The following RHPN2 variants were observed in gnomAD, a reference collection of about 807,000 sequenced individuals.
The protein encoded by RHPN2 is rhophilin Rho GTPase binding protein 2.
Under a neutral mutation model 79.0 loss-of-function variants are expected in RHPN2, and 40 were observed. The observed-to-expected ratio is 0.51, with a 90% confidence interval of 0.39 to 0.66. The LOEUF (loss-of-function observed/expected upper bound fraction) is 0.66. Ranked by LOEUF, RHPN2 falls within the 30% of genes least tolerant of loss-of-function variation. RHPN2 has a pLI of 0.00. For missense variants in RHPN2, 686 were observed against 883.5 expected (o/e 0.78, Z 2.83); for synonymous variants, 285 against 363.5 (o/e 0.78, Z 2.46).
chr19:33,058,135 G>A (rs1478546340), intron 1 of RHPN2, among the ~76,000 whole-genome samples: 2 of 152,160 alleles, frequency 1.3e-5, no homozygotes, highest in Non-Finnish European at 2.9e-5. Flanking sequence ...ACTCCAGCCT[G>A]GGCAACAGAG....
intron 10 of RHPN2, among the ~76,000 whole-genome samples, chr19:32,997,577 C>A (rs551268439): frequency 6.6e-6 from 1 of 151,960 alleles, no homozygotes; most frequent in Non-Finnish European, 1.5e-5. Context: ...GCAACCTCCA[C>A]CTCCCAGGTT....
Position 33,023,677 on chromosome 19 carries a change from C to T in RHPN2, c.315-2031G>A, listed in dbSNP as rs368107887. On this transcript the variant is annotated intron_variant, in intron 3 of 14. Coordinates refer to ENST00000254260, the MANE Select transcript of RHPN2 (RefSeq NM_033103.5). ...GCGGGCGCCTTTAGTCCCAGCTACT[C>T]GGGAGGCTGAGGCAGGAGAATGGTG... Among the ~76,000 whole-genome samples the T allele has an allele frequency of 4.3e-4, 64 of 149,206 alleles. 1 individual carries two copies. Among genetic ancestry groups the T allele is most frequent in the African/African-American group, 1.4e-3 (57 of 40,334 alleles).
At chr19:33,052,790 C>T (rs1972199629) in intron 1 of RHPN2, among the ~76,000 whole-genome samples, 1 of 152,116 alleles carries the variant, frequency 6.6e-6, no homozygotes, top group Non-Finnish European at 1.5e-5. Flanking sequence ...GGTGTCAGGG[C>T]TGGAGGTGAG....
At chr19:33,014,891 G>C (rs1217886557) in intron 4 of RHPN2, among the ~76,000 whole-genome samples, 1 of 152,130 alleles carries the variant, frequency 6.6e-6, no homozygotes, top group Non-Finnish European at 1.5e-5. Flanking sequence ...AGGAGTTTGA[G>C]ACCAGCATGG....
chr19:33,024,738 A>T (rs1971952798), intron 3 of RHPN2, among the ~76,000 whole-genome samples: 1 of 152,180 alleles, frequency 6.6e-6, no homozygotes, highest in African/African-American at 2.4e-5. Flanking sequence ...ACTGTCTCAA[A>T]GTTATTTCTC....
intron 14 of RHPN2, among the ~76,000 whole-genome samples, chr19:32,983,384 C>T (rs915911061): frequency 6.6e-5 from 10 of 151,900 alleles, no homozygotes; most frequent in African/African-American, 2.2e-4. Context: ...TGGTGGCGGG[C>T]ACCTGTAGTC....
intron 4 of RHPN2, among the ~76,000 whole-genome samples, chr19:33,017,507 G>A (rs1971887574): frequency 6.6e-6 from 1 of 151,982 alleles, no homozygotes; most frequent in Non-Finnish European, 1.5e-5. Context: ...CAGACCAGTG[G>A]CAAGTCACAT....
chr19:33,029,903 G>A (rs1478647788), intron 2 of RHPN2, among the ~76,000 whole-genome samples: 1 of 152,218 alleles, frequency 6.6e-6, no homozygotes, highest in Non-Finnish European at 1.5e-5. Flanking sequence ...GCAAAGAGTT[G>A]TGACAACACA....
intron 7 of RHPN2, 99 bp downstream of exon 7, chr19:33,007,915 C>T: frequency 1.1e-6 from 1 of 927,746 alleles, no homozygotes; most frequent in Non-Finnish European, 1.5e-6. Flanking sequence ...TGGTCTGGCC[C>T]TTGCGAGGGA....
At chr19:33,018,085 G>A (rs746011225) in intron 4 of RHPN2, among the ~76,000 whole-genome samples, 1 of 152,054 alleles carries the variant, frequency 6.6e-6, no homozygotes, top group African/African-American at 2.4e-5. Flanking sequence ...CCCAGGAGGT[G>A]GAGGTTGCAG....
At chr19:33,036,871 C>CT (rs1257546182) in intron 2 of RHPN2, among the ~76,000 whole-genome samples, 4 of 118,500 alleles carry the variant, frequency 3.4e-5, no homozygotes, top group East Asian at 2.6e-4. Flanking sequence ...CATGCCTGAG[C>CT]CCCCCCGCCA....
chr19:33,012,907 T>C (rs1381498455), intron 4 of RHPN2, among the ~76,000 whole-genome samples, 183 bp from the exon 5 acceptor site: 2 of 152,148 alleles, frequency 1.3e-5, no homozygotes, highest in East Asian at 1.9e-4. Flanking sequence ...ACGGAGTCTC[T>C]CTTTGTAGCC....
chr19:33,049,703 C>T (rs1031465104), intron 1 of RHPN2, among the ~76,000 whole-genome samples: 4 of 152,104 alleles, frequency 2.6e-5, no homozygotes, highest in Non-Finnish European at 5.9e-5. Flanking sequence ...GTGTCATCAC[C>T]AGCTTTACAG....
At chr19:33,003,786 T>A (rs1450140049) in intron 7 of RHPN2, among the ~76,000 whole-genome samples, 2 of 151,942 alleles carry the variant, frequency 1.3e-5, no homozygotes, top group Non-Finnish European at 2.9e-5. Flanking sequence ...TTCACAGAAA[T>A]AGAAAGGAGA....
chr19:33,006,354 G>A (rs1384575679), intron 7 of RHPN2, among the ~76,000 whole-genome samples: 3 of 152,018 alleles, frequency 2.0e-5, no homozygotes, highest in Non-Finnish European at 2.9e-5. Flanking sequence ...ACACCACCAC[G>A]CCTGGCTAAT....
intron 6 of RHPN2, among the ~76,000 whole-genome samples, chr19:33,010,174 G>A (rs1473833661): frequency 2.6e-5 from 4 of 152,034 alleles, no homozygotes; most frequent in East Asian, 1.9e-4. Flanking sequence ...TCGCCTTTTC[G>A]GCCATGCAGA....
chr19:32,991,010 A>C (rs1026318077), intron 13 of RHPN2, among the ~76,000 whole-genome samples: 5 of 143,978 alleles, frequency 3.5e-5, no homozygotes, highest in African/African-American at 1.3e-4. Flanking sequence ...GCCTGGGTGC[A>C]ATTAAAAAAA....
intron 2 of RHPN2, among the ~76,000 whole-genome samples, chr19:33,031,261 T>TTCTAC (rs1241830258): frequency 1.5e-3 from 192 of 132,050 alleles, no homozygotes; most frequent in African/African-American, 5.2e-3. Flanking sequence ...TTCTACTCTA[T>TTCTAC]TCTATTCTAT....
intron 2 of RHPN2, among the ~76,000 whole-genome samples, chr19:33,030,838 G>A (rs187237621): frequency 1.5e-3 from 232 of 152,228 alleles, no homozygotes; most frequent in African/African-American, 3.9e-3. Flanking sequence ...AGCTCCCGGC[G>A]TAAGCACATA....
Sources: gnomAD v4.1 joint callset for allele counts (sites outside exome capture counted in the v4.1 genomes callset) on GRCh38, gnomAD v4.1.1 for gene constraint, MANE v1.5 for transcripts, NCBI Gene and HGNC (gene_info 2026-07-23, HGNC 2026-07-21) for gene names.